The following RAD23B variants were observed in gnomAD, a reference collection of about 807,000 sequenced individuals.
RAD23B encodes the protein RAD23 nucleotide excision repair protein B, also known as lysine-specific demethylase RAD23B.
A neutral mutation model predicts 49.1 loss-of-function variants in RAD23B; 5 were observed. That is an observed-to-expected ratio of 0.10 (90% confidence interval 0.05 to 0.21). RAD23B has a LOEUF of 0.21. Ranked by LOEUF, RAD23B falls within the 10% of genes least tolerant of loss-of-function variation. The pLI is 1.00. For missense variants in RAD23B, 356 were observed against 486.7 expected, an observed-to-expected ratio of 0.73 and a Z score of 2.53; for synonymous variants, 184 against 165.4, an observed-to-expected ratio of 1.11 and a Z score of -0.86.
At chr9:107,320,814 C>T (rs915818390) in intron 6 of RAD23B, among the ~76,000 whole-genome samples, 2 of 152,134 alleles carry the variant, frequency 1.3e-5, no homozygotes, top group Admixed American at 6.5e-5. Context: ...TAAGGGTTTG[C>T]GTTGGTTAAC....
intron 1 of RAD23B, among the ~76,000 whole-genome samples, chr9:107,287,400 A>T (rs563020675): frequency 6.6e-6 from 1 of 152,362 alleles, no homozygotes; most frequent in East Asian, 1.9e-4. Context: ...GCAAAAGCTG[A>T]AATGTGATTG....
intron 1 of RAD23B, among the ~76,000 whole-genome samples, chr9:107,289,386 GT>G (rs1328486078): frequency 6.6e-6 from 1 of 151,936 alleles, no homozygotes; most frequent in Non-Finnish European, 1.5e-5. Context: ...GGGTCTTGAT[GT>G]TTTATCCAGG....
chr9:107,327,890 C>G (rs1183795915), intron 9 of RAD23B, among the ~76,000 whole-genome samples: 1 of 152,020 alleles, frequency 6.6e-6, no homozygotes, highest in Non-Finnish European at 1.5e-5. Context: ...TTTTGTGGCT[C>G]TGTTATATAT....
At chr9:107,328,155 A>G (rs1226059775) in intron 9 of RAD23B, among the ~76,000 whole-genome samples, 1 of 152,214 alleles carries the variant, frequency 6.6e-6, no homozygotes, top group Non-Finnish European at 1.5e-5. Flanking sequence ...TCTGGATAAA[A>G]CCCAGATAAC....
chr9:107,331,549 TGAG>T lies in RAD23B; in HGVS notation c.*1894_*1896del. The T allele has an allele frequency of 1.6e-6, 1 of 629,500 alleles. No individual in the cohort carries two copies. Among genetic ancestry groups the T allele is most frequent in the South Asian group, 2.0e-5 (1 of 51,012 alleles). The allele number at this position is 629,500 out of a possible 1,614,324, so 39.0% of individuals were successfully genotyped here. ...TGCATAATTTCTCAGGAGAATAAAA[TGAG>T]AATTCATATATACGTTCATCTTTCA... On this transcript the variant is annotated 3_prime_UTR_variant, in exon 10 of 10. Coordinates refer to ENST00000358015, the MANE Select transcript of RAD23B (RefSeq NM_002874.5).
intron 6 of RAD23B, among the ~76,000 whole-genome samples, chr9:107,319,928 A>G (rs1013584697): frequency 1.3e-5 from 2 of 152,200 alleles, no homozygotes; most frequent in African/African-American, 4.8e-5. Flanking sequence ...GTTTTGGAGT[A>G]TTATCAAAGT....
chr9:107,327,036 A>G (rs1014332873), intron 9 of RAD23B, among the ~76,000 whole-genome samples: 8 of 152,168 alleles, frequency 5.3e-5, no homozygotes, highest in South Asian at 2.1e-4. Flanking sequence ...GCAATTGTAC[A>G]TATTTCCTTA....
chr9:107,331,782 A>G lies in RAD23B; in HGVS notation c.*2126A>G. Reference sequence around the variant, plus strand: ...CAACAAATCTGGATATACTAGGATTAATTATCAGAAGACAGCTCAGGCCAA... The same window carrying G: ...CAACAAATCTGGATATACTAGGATTGATTATCAGAAGACAGCTCAGGCCAA... On this transcript the variant is annotated 3_prime_UTR_variant, in exon 10 of 10. Coordinates refer to ENST00000358015, the MANE Select transcript of RAD23B (RefSeq NM_002874.5). 1.3e-6 allele frequency: 1 copy of G among 769,334 alleles called. No homozygotes were observed. The highest frequency in any genetic ancestry group is 2.4e-5 in the East Asian group (1 of 41,210). 47.7% of individuals were successfully genotyped at this position (769,334 alleles called of 1,614,324 possible). A position where few individuals can be genotyped will look rare whatever the true frequency, so the allele number is the denominator to read the frequency against.
At chr9:107,326,782 C>T (rs558735257) in intron 9 of RAD23B, among the ~76,000 whole-genome samples, 5 of 151,498 alleles carry the variant, frequency 3.3e-5, no homozygotes, top group East Asian at 2.0e-4. Context: ...CACAGGCACC[C>T]GCCACCATGC....
At chr9:107,290,008 A>G (rs918404022) in intron 1 of RAD23B, among the ~76,000 whole-genome samples, 4 of 152,128 alleles carry the variant, frequency 2.6e-5, no homozygotes, top group African/African-American at 9.7e-5. Context: ...ACACTAAGGA[A>G]CCTTAATTGG....
Position 107,324,034 on chromosome 9 carries a change from A to AGTTTCACAAGTGATTTAGAGT in RAD23B, c.945+20_945+40dup. On this transcript the variant is annotated intron_variant, in intron 8 of 9. Coordinates refer to ENST00000358015, the MANE Select transcript of RAD23B (RefSeq NM_002874.5). ...TTACTTCAGGTGACTAATCAGTGTC[A>AGTTTCACAAGTGATTTAGAGT]GTTTCACAAGTGATTTAGAGTGTGT... 6.2e-7 allele frequency: 1 copy of AGTTTCACAAGTGATTTAGAGT among 1,611,274 alleles called. No homozygotes were observed. Among genetic ancestry groups the AGTTTCACAAGTGATTTAGAGT allele is most frequent in the Non-Finnish European group, 8.5e-7 (1 of 1,177,686 alleles).
chr9:107,311,781 G>A, intron 5 of RAD23B, 44 bp downstream of exon 5: 2 of 1,411,942 alleles, frequency 1.4e-6, no homozygotes, highest in Non-Finnish European at 1.9e-6. Flanking sequence ...AAAGAGATAG[G>A]AAAGAGGTTT....
chr9:107,288,677 A>G (rs1419654950), intron 1 of RAD23B, among the ~76,000 whole-genome samples: 1 of 151,954 alleles, frequency 6.6e-6, no homozygotes, highest in Non-Finnish European at 1.5e-5. Flanking sequence ...TGAACTCCTG[A>G]GCTCAGGAGA....
chr9:107,302,535 A>C (rs1230359770), intron 3 of RAD23B, among the ~76,000 whole-genome samples: 1 of 152,184 alleles, frequency 6.6e-6, no homozygotes, highest in Non-Finnish European at 1.5e-5. Flanking sequence ...AAAGGCATGA[A>C]AGCTTATTAT....
chr9:107,290,541 ACAACTTTGTACTTGTGCT>A (rs1160663032), intron 1 of RAD23B, among the ~76,000 whole-genome samples: 1 of 152,140 alleles, frequency 6.6e-6, no homozygotes, highest in Non-Finnish European at 1.5e-5. Context: ...GGGAGTCCTC[ACAACTTTGTACTTGTGCT>A]TTGTCCTTAA....
chr9:107,328,513 A>G (rs1827250985), intron 9 of RAD23B, among the ~76,000 whole-genome samples: 2 of 152,206 alleles, frequency 1.3e-5, no homozygotes. Flanking sequence ...CCTCTCATGC[A>G]CAGTTCACAG....
intron 5 of RAD23B, among the ~76,000 whole-genome samples, chr9:107,314,414 G>C (rs1826950676): frequency 6.6e-6 from 1 of 152,076 alleles, no homozygotes; most frequent in Admixed American, 6.6e-5. Context: ...CTATTGTTCA[G>C]CTCCCACTTG....
intron 3 of RAD23B, among the ~76,000 whole-genome samples, chr9:107,305,606 G>C (rs1826746550): frequency 6.6e-6 from 1 of 152,072 alleles, no homozygotes; most frequent in Non-Finnish European, 1.5e-5. Flanking sequence ...TCTATTTCCA[G>C]TTCAGAAAGT....
chr9:107,287,834 C>CAAAAAAAAAAAAAAAAAAAA (rs11396857), intron 1 of RAD23B, among the ~76,000 whole-genome samples: 1 of 119,252 alleles, frequency 8.4e-6, no homozygotes. Flanking sequence ...AACTCCATCT[C>CAAAAAAAAAAAAAAAAAAAA]AAAAAAAAAA....
Sources: allele counts gnomAD v4.1 joint callset (sites outside exome capture counted in the v4.1 genomes callset), GRCh38; gene constraint gnomAD v4.1.1; transcripts MANE v1.5; gene names NCBI Gene and HGNC (gene_info 2026-07-23, HGNC 2026-07-21).